ANKRD30B: variants seen among roughly 807,000 people sequenced by gnomAD.
ANKRD30B encodes ankyrin repeat domain 30B.
Under a neutral mutation model 202.2 loss-of-function variants are expected in ANKRD30B, and 144 were observed. The ratio of observed to expected loss-of-function variants is 0.71; its 90% CI spans 0.62 to 0.82. The LOEUF is 0.82. Ranked by LOEUF, ANKRD30B falls within the 40% of genes least tolerant of loss-of-function variation. ANKRD30B has a pLI of 0.00. For synonymous variants in ANKRD30B, 508 were observed against 561.3 expected (o/e 0.91, Z 1.34); for missense variants, 1,487 against 1,669.1 (o/e 0.89, Z 1.90).
In ANKRD30B at chr18:14,763,803, C is replaced by T. The variant is rs768407088; in HGVS notation, c.938C>T (p.Thr313Met). ...GAGGCTGCACGCTTGGTGGAGGGAA[C>T]GTCTGCCAAAATTCAATGTCTGGGG... ...PDEAARLVEG[T>M]SAKIQCLGKA... Residue 313 changes from threonine to methionine, a missense_variant, in exon 7 of 44, where the codon ACG becomes ATG. Physicochemically the swap from Thr to Met is moderately conservative, Grantham distance 81 (BLOSUM62 -1). Coordinates refer to ENST00000690538, the MANE Select transcript of ANKRD30B (RefSeq NM_001367607.2). 3.8e-5 allele frequency: 61 copies of T among 1,613,596 alleles called. No individual in the cohort carries two copies. The South Asian group carries it at 4.2e-4, about 11-fold the overall frequency.
the ANKRD30B span, among the ~76,000 whole-genome samples, chr18:14,896,850 CTTT>C: frequency 1.4e-5 from 2 of 147,038 alleles, no homozygotes; most frequent in Middle Eastern, 3.4e-3. Context: ...GATCTGATTA[CTTT>C]AATTATGATA....
At chr18:14,880,566 GTTTTT>G in the ANKRD30B span, among the ~76,000 whole-genome samples, 5 of 128,744 alleles carry the variant, frequency 3.9e-5, no homozygotes, top group East Asian at 4.5e-4. Context: ...TTCTTTCTTG[GTTTTT>G]TTTTTTTTTT....
At chr18:14,940,325 C>T in the ANKRD30B span, among the ~76,000 whole-genome samples, 6 of 152,348 alleles carry the variant, frequency 3.9e-5, no homozygotes, top group African/African-American at 1.4e-4. Flanking sequence ...AGCTGGGGCT[C>T]TGCCGCCCTC....
At chr18:14,826,918 A>C (rs1489074988) in intron 32 of ANKRD30B, among the ~76,000 whole-genome samples, 2 of 152,170 alleles carry the variant, frequency 1.3e-5, no homozygotes, top group African/African-American at 2.4e-5. Context: ...AAATATAACA[A>C]TAACAATATA....
chr18:14,799,193 G>A lies in ANKRD30B; in HGVS notation c.2059-30G>A, dbSNP rs9748468. 595 of 1,584,024 alleles carry A rather than the reference G, an allele frequency of 3.8e-4. 3 individuals carry two copies. In the African/African-American group the frequency reaches 5.7e-3, roughly 15 times the overall value. ...ATATTTTATGAAGTATACATTATAT[G>A]TTAATTTTTGTGTTTCCAAACCCAT... is the stretch of plus-strand genomic sequence containing the variant. On this transcript the variant is annotated intron_variant, in intron 21 of 43. Coordinates refer to ENST00000690538, the MANE Select transcript of ANKRD30B (RefSeq NM_001367607.2).
At chr18:14,848,118 C>T (rs1971729772) in intron 39 of ANKRD30B, among the ~76,000 whole-genome samples, 1 of 152,110 alleles carries the variant, frequency 6.6e-6, no homozygotes, top group African/African-American at 2.4e-5. Context: ...TCTGTCAAGG[C>T]AAGAAGCTGA....
At chr18:14,784,936 A>C (rs1967985775) in intron 14 of ANKRD30B, among the ~76,000 whole-genome samples, 2 of 152,188 alleles carry the variant, frequency 1.3e-5, no homozygotes, top group Middle Eastern at 3.4e-3. Context: ...AATATTAATT[A>C]CCTCATTTCC....
rs180823480 is a variant in ANKRD30B, at chr18:14,853,903, A to T, written c.4571A>T (p.His1524Leu). Among the ~76,000 whole-genome samples, 1 of 152,178 alleles carries T rather than the reference A, an allele frequency of 6.6e-6. No individual in the cohort carries two copies. Among genetic ancestry groups the T allele is most frequent in the Non-Finnish European group, 1.5e-5 (1 of 68,026 alleles). The change falls in exon 43 of 44, where the codon CAT (histidine) becomes CTT (leucine). Residue 1524 changes from histidine (H) to leucine (L), a missense_variant. His to Leu is a moderately conservative substitution (Grantham distance 99). Coordinates refer to ENST00000690538, the MANE Select transcript of ANKRD30B (RefSeq NM_001367607.2). ...KVTSHSHSLRHQ is the reference protein window; with the variant it reads ...KVTSHSHSLRLQ ...ACATCACATTCTCACTCTCTGAGGCATCAATAGAGGCTACATCACATTATC... is the reference window on the plus strand; with the variant it reads ...ACATCACATTCTCACTCTCTGAGGCTTCAATAGAGGCTACATCACATTATC...
rs1393580704 is a variant in ANKRD30B, at chr18:14,841,718, G to C, written c.3079+1040G>C. 4.6e-5 allele frequency among the ~76,000 whole-genome samples: 7 copies of C among 152,266 alleles called. No homozygotes were observed. The South Asian group carries it at 8.3e-4, about 18-fold the overall frequency. ...AATGCAGCAAGAAAGAAGATAGCCA[G>C]CCAACTTTGGAGTTTCTGAAAGGAA... is the stretch of plus-strand genomic sequence containing the variant. On this transcript the variant is annotated intron_variant, in intron 37 of 43. Transcript: ENST00000690538.
intron 16 of ANKRD30B, among the ~76,000 whole-genome samples, chr18:14,795,879 A>G (rs929967174): frequency 6.6e-6 from 1 of 150,506 alleles, no homozygotes; most frequent in Non-Finnish European, 1.5e-5. Flanking sequence ...GCGGTGGGTC[A>G]TGACTTGGTC....
the ANKRD30B span, among the ~76,000 whole-genome samples, chr18:14,874,222 C>T: frequency 1.6e-3 from 236 of 152,240 alleles, no homozygotes; most frequent in African/African-American, 5.3e-3. Context: ...CTAAGACTTT[C>T]GAAGACCCTG....
At chr18:14,918,379 A>T in the ANKRD30B span, among the ~76,000 whole-genome samples, 32 of 152,190 alleles carry the variant, frequency 2.1e-4, no homozygotes, top group Admixed American at 1.1e-3. Context: ...TCTGCCAGAA[A>T]TATTAGTAAT....
At chr18:14,874,858 C>G in the ANKRD30B span, among the ~76,000 whole-genome samples, 1 of 152,194 alleles carries the variant, frequency 6.6e-6, no homozygotes, top group African/African-American at 2.4e-5. Flanking sequence ...CCCTTTCAAA[C>G]TTTTTGTTGT....
intron 5 of ANKRD30B, among the ~76,000 whole-genome samples, chr18:14,759,851 A>C (rs1914978336): frequency 6.6e-6 from 1 of 152,268 alleles, no homozygotes; most frequent in Non-Finnish European, 1.5e-5. Context: ...AATTAATAAC[A>C]GAAAACTGCA....
intron 10 of ANKRD30B, among the ~76,000 whole-genome samples, chr18:14,779,020 T>A (rs1172940426): frequency 1.3e-5 from 2 of 152,060 alleles, no homozygotes; most frequent in Non-Finnish European, 2.9e-5. Flanking sequence ...TTAAGAGATG[T>A]TGAATGGGAA....
At chr18:14,826,237 A>G (rs1179627692) in intron 32 of ANKRD30B, among the ~76,000 whole-genome samples, 1 of 152,246 alleles carries the variant, frequency 6.6e-6, no homozygotes, top group East Asian at 1.9e-4. Context: ...ACAGAGTCAC[A>G]GGACTTGGTA....
At chr18:14,795,227 C>T (rs1204625409) in intron 16 of ANKRD30B, among the ~76,000 whole-genome samples, 64 of 152,204 alleles carry the variant, frequency 4.2e-4, no homozygotes, top group Non-Finnish European at 4.0e-4. Context: ...GACAGAGTCT[C>T]GCTCTGTCAT....
At chr18:14,835,242 G>A (rs957947586) in intron 34 of ANKRD30B, among the ~76,000 whole-genome samples, 13 of 151,610 alleles carry the variant, frequency 8.6e-5, no homozygotes, top group African/African-American at 2.9e-4. Flanking sequence ...GAAATACTCT[G>A]ACATTTTTGC....
Position 14,748,409 on chromosome 18 carries a change from G to A in ANKRD30B, c.-11G>A. The A allele has an allele frequency of 6.8e-7, 1 of 1,476,908 alleles. No homozygotes were observed. Among genetic ancestry groups the A allele is most frequent in the Non-Finnish European group, 9.0e-7 (1 of 1,110,854 alleles). 91.5% of individuals were successfully genotyped at this position (1,476,908 alleles called of 1,614,324 possible). A position where few individuals can be genotyped will look rare whatever the true frequency, so the allele number is the denominator to read the frequency against. On this transcript the variant is annotated 5_prime_UTR_variant, in exon 1 of 44. Transcript: ENST00000690538. ...GGAGGCGCGGGCTCTCTCTAGCAGG[G>A]GGCTGCAGCCATGAAGAGGCTCTTA...
Sources: allele counts gnomAD v4.1 joint callset (sites outside exome capture counted in the v4.1 genomes callset), GRCh38; gene constraint gnomAD v4.1.1; transcripts MANE v1.5; gene names NCBI Gene and HGNC (gene_info 2026-07-23, HGNC 2026-07-21).